Variants in CDH13 observed in about 807,000 individuals in gnomAD.
The protein encoded by CDH13 is cadherin 13, also known as cadherin-13.
In CDH13, 24 loss-of-function variants were observed where a neutral mutation model predicts 63.8. The observed-to-expected ratio is 0.38, with a 90% CI of 0.27 to 0.53. CDH13 has a LOEUF of 0.53. CDH13 is among the 20% of genes least tolerant of loss of function. The pLI is 0.85. For synonymous variants in CDH13, 503 were observed against 355.3 expected (o/e 1.42, Z -4.67); for missense variants, 1,049 against 903.1 (o/e 1.16, Z -2.07).
chr16:83,511,861 C>G (rs1407244394), intron 7 of CDH13, among the ~76,000 whole-genome samples: 2 of 152,158 alleles, frequency 1.3e-5, no homozygotes, highest in Admixed American at 6.5e-5. Flanking sequence ...TGGGATCTCT[C>G]CCTTCCTAGC....
intron 7 of CDH13, among the ~76,000 whole-genome samples, chr16:83,574,993 C>G (rs7195854): frequency 0.16 from 24,158 of 152,030 alleles, 2,038 homozygotes; most frequent in Non-Finnish European, 0.2. Flanking sequence ...GGGAACAACC[C>G]GAACGCCCAT....
At chr16:83,212,814 A>G (rs780325597) in intron 4 of CDH13, among the ~76,000 whole-genome samples, 1 of 152,190 alleles carries the variant, frequency 6.6e-6, no homozygotes, top group Non-Finnish European at 1.5e-5. Flanking sequence ...CTGATACAAG[A>G]GGCTTGGGGG....
At chr16:82,841,944 G>C (rs747455099) in intron 1 of CDH13, among the ~76,000 whole-genome samples, 1 of 151,514 alleles carries the variant, frequency 6.6e-6, no homozygotes, top group Non-Finnish European at 1.5e-5. Flanking sequence ...CCTGGACATT[G>C]TCAAAACTCA....
intron 1 of CDH13, among the ~76,000 whole-genome samples, chr16:82,815,554 A>G (rs1261862144): frequency 6.6e-6 from 1 of 152,208 alleles, no homozygotes; most frequent in African/African-American, 2.4e-5. Flanking sequence ...AGCTGGTTTC[A>G]TTAAAGCCCA....
At chr16:83,369,047 G>C (rs150300998) in intron 6 of CDH13, among the ~76,000 whole-genome samples, 1,819 of 149,766 alleles carry the variant, frequency 0.012, 38 homozygotes, top group African/African-American at 0.043. Flanking sequence ...TATCTTTTTC[G>C]TATAATGACT....
At chr16:83,540,097 A>G (rs146295912) in intron 7 of CDH13, among the ~76,000 whole-genome samples, 5,023 of 142,466 alleles carry the variant, frequency 0.035, 139 homozygotes, top group African/African-American at 0.075. Flanking sequence ...ATGGAGTCTC[A>G]CTCTGTCACC....
intron 5 of CDH13, among the ~76,000 whole-genome samples, chr16:83,321,249 G>T (rs1254474823): frequency 6.6e-6 from 1 of 152,148 alleles, no homozygotes. Context: ...TGGAATTAGT[G>T]TCTCAAGTTG....
intron 3 of CDH13, among the ~76,000 whole-genome samples, chr16:83,062,924 C>G (rs1480402197): frequency 6.6e-6 from 1 of 151,750 alleles, no homozygotes; most frequent in Non-Finnish European, 1.5e-5. Context: ...TGTTTTGTCT[C>G]CCTCATAGCT....
intron 1 of CDH13, among the ~76,000 whole-genome samples, chr16:82,803,181 A>C (rs1214157091): frequency 6.6e-6 from 1 of 152,202 alleles, no homozygotes; most frequent in Non-Finnish European, 1.5e-5. Flanking sequence ...GGCTACTCTC[A>C]GCTTACCTAC....
chr16:83,032,046 G>T lies in CDH13; in HGVS notation c.194G>T (p.Arg65Leu). Residue 65 changes from arginine (R) to leucine (L), a missense_variant, in exon 3 of 14, where the codon CGC becomes CTC. Arg to Leu is a moderately radical substitution (Grantham distance 102, BLOSUM62 -2). Coordinates refer to ENST00000567109, the MANE Select transcript of CDH13 (RefSeq NM_001257.5). ...GACTGTAAGGGAAACGACAAGCTAC[G>T]CTATGAGGTCTCGAGCCCATACTTC... ...FSDCKGNDKLRYEVSSPYFKV... is the reference protein window; with the variant it reads ...FSDCKGNDKLLYEVSSPYFKV... The T allele has an allele frequency of 1.2e-6, 2 of 1,606,272 alleles. No individual in the cohort carries two copies. The highest frequency in any genetic ancestry group is 2.2e-5 in the East Asian group (1 of 44,504).
Position 82,664,103 on chromosome 16 carries a change from G to A in CDH13, c.45+36966G>A, listed in dbSNP as rs563085405. Among the ~76,000 whole-genome samples, 122 of 152,370 alleles carry A rather than the reference G, an allele frequency of 8.0e-4. 1 individual carries two copies. Among genetic ancestry groups the A allele is most frequent in the Admixed American group, 2.2e-3 (34 of 15,308 alleles). On this transcript the variant is annotated intron_variant, in intron 1 of 13. Coordinates refer to ENST00000567109, the MANE Select transcript of CDH13 (RefSeq NM_001257.5). ...CTACCTCATAGGGTGGTTTTTCGAAGTCAGTGAGACAAGGACAGTGAAGGG... is the reference window on the plus strand; with the variant it reads ...CTACCTCATAGGGTGGTTTTTCGAAATCAGTGAGACAAGGACAGTGAAGGG...
At chr16:83,424,761 C>G (rs1171995980) in intron 6 of CDH13, among the ~76,000 whole-genome samples, 1 of 152,182 alleles carries the variant, frequency 6.6e-6, no homozygotes, top group African/African-American at 2.4e-5. Context: ...AGTTATTTCA[C>G]ACACATTACA....
At chr16:83,142,168 T>TG (rs962774463) in intron 4 of CDH13, among the ~76,000 whole-genome samples, 2 of 149,640 alleles carry the variant, frequency 1.3e-5, no homozygotes, top group African/African-American at 5.0e-5. Flanking sequence ...TTGTTTTTTT[T>TG]TTTTTTTTTT....
intron 8 of CDH13, among the ~76,000 whole-genome samples, chr16:83,662,527 T>G (rs11149593): frequency 6.6e-6 from 1 of 152,062 alleles, no homozygotes. Flanking sequence ...CTCCAAACAG[T>G]GCAGAATCGG....
At chr16:83,354,688 G>T (rs556782115) in intron 6 of CDH13, among the ~76,000 whole-genome samples, 69 of 152,286 alleles carry the variant, frequency 4.5e-4, no homozygotes, top group African/African-American at 1.5e-3. Flanking sequence ...TGTTCCAGAC[G>T]CAGGGGCCAG....
At chr16:82,749,425 G>GT (rs1043578576) in intron 1 of CDH13, among the ~76,000 whole-genome samples, 15 of 152,258 alleles carry the variant, frequency 9.9e-5, no homozygotes, top group African/African-American at 3.6e-4. Flanking sequence ...AAGATTTATC[G>GT]TGACAGGAGT....
chr16:83,705,654 A>AGAGAGAATT, intron 10 of CDH13, among the ~76,000 whole-genome samples: 1 of 152,332 alleles, frequency 6.6e-6, no homozygotes, highest in East Asian at 1.9e-4. Context: ...ATTAGCAGGA[A>AGAGAGAATT]GAGAGAATTA....
chr16:82,835,948 G>A (rs919438130), intron 1 of CDH13, among the ~76,000 whole-genome samples: 1 of 152,092 alleles, frequency 6.6e-6, no homozygotes, highest in African/African-American at 2.4e-5. Flanking sequence ...GGCTCCTCAA[G>A]TAGCAAAGTC....
At position 83,653,802 on chromosome 16, in the gene CDH13, ACAAC is replaced by A. The variant is rs1207039083; in HGVS notation, c.1102-16987_1102-16984del. On this transcript the variant is annotated intron_variant, in intron 8 of 13. Coordinates refer to ENST00000567109, the MANE Select transcript of CDH13 (RefSeq NM_001257.5). The stretch of plus-strand genomic sequence containing the variant: ...TGTAGCATCTCACTCCCACATAGGG[ACAAC>A]ACTCATGACAGAAGGGGCCTCCTAT... Among the ~76,000 whole-genome samples the A allele has an allele frequency of 4.6e-5, 7 of 152,280 alleles. 1 individual carries two copies. In the South Asian group the frequency reaches 6.2e-4, roughly 14 times the overall value.
Sources: gnomAD v4.1 joint callset for allele counts (sites outside exome capture counted in the v4.1 genomes callset) on GRCh38, gnomAD v4.1.1 for gene constraint, MANE v1.5 for transcripts, NCBI Gene and HGNC (gene_info 2026-07-23, HGNC 2026-07-21) for gene names.